Variants in AFF2 observed in about 807,000 individuals in gnomAD.
AFF2 encodes the protein AF4/FMR2 family member 2.
Under a neutral mutation model 76.9 loss-of-function variants are expected in AFF2, and 14 were observed. The observed-to-expected ratio is 0.18, with a 90% CI of 0.12 to 0.28. The LOEUF (loss-of-function observed/expected upper bound fraction) is 0.28, where lower values mean the gene tolerates loss of function less well. AFF2 is among the 10% of genes least tolerant of loss of function. The pLI is 1.00. For missense variants in AFF2, 868 were observed against 1,001.1 expected (o/e 0.87, Z 1.79); for synonymous variants, 398 against 366.7 (o/e 1.09, Z -0.98).
chrX:148,685,770 A>G (rs1004032619), intron 3 of AFF2, among the ~76,000 whole-genome samples: 3 of 111,130 alleles, frequency 2.7e-5, no homozygotes, highest in African/African-American at 9.9e-5. Flanking sequence ...CCGTATCAAA[A>G]TATCACTTAA....
At chrX:148,979,702 T>C (rs953058816) in intron 18 of AFF2, among the ~76,000 whole-genome samples, 3 of 112,360 alleles carry the variant, frequency 2.7e-5, no homozygotes, top group Admixed American at 1.9e-4. Context: ...TTACAGGGTA[T>C]TGTAAAATTC....
chrX:148,722,263 G>A (rs1182482029), intron 3 of AFF2, among the ~76,000 whole-genome samples: 1 of 111,499 alleles, frequency 9.0e-6, no homozygotes, highest in African/African-American at 3.3e-5. Context: ...ATTTTGTTCA[G>A]CAAGTAACAC....
intron 9 of AFF2, among the ~76,000 whole-genome samples, chrX:148,919,271 T>A (rs1406902260): frequency 9.0e-6 from 1 of 111,207 alleles, no homozygotes; most frequent in Non-Finnish European, 1.9e-5. Flanking sequence ...CTGTGCAATA[T>A]CACCGTAGCT....
chrX:148,825,965 G>A (rs1311358595), intron 4 of AFF2, among the ~76,000 whole-genome samples: 4 of 109,478 alleles, frequency 3.7e-5, no homozygotes, highest in African/African-American at 6.7e-5. Context: ...AGTGTGTTGC[G>A]GGTGGGGTAG....
chrX:148,537,019 G>T (rs1274489781), intron 1 of AFF2, among the ~76,000 whole-genome samples: 1 of 112,423 alleles, frequency 8.9e-6, no homozygotes, highest in Non-Finnish European at 1.9e-5. Flanking sequence ...TTTAATTAAA[G>T]AAAATTTTAA....
intron 1 of AFF2, among the ~76,000 whole-genome samples, chrX:148,586,104 C>T (rs1329914607): frequency 9.0e-6 from 1 of 110,934 alleles, no homozygotes; most frequent in Non-Finnish European, 1.9e-5. Context: ...TATTATTATC[C>T]TCAATTTACT....
chrX:148,936,210 AATG>A (rs2071774004), intron 9 of AFF2, among the ~76,000 whole-genome samples: 1 of 111,491 alleles, frequency 9.0e-6, no homozygotes, highest in Non-Finnish European at 1.9e-5. Flanking sequence ...TTTCTGTGAT[AATG>A]ATAAGGGAAA....
At position 148,577,483 on chromosome X, in the gene AFF2, T is replaced by G. The variant is rs1557243678; in HGVS notation, c.48-74516T>G. 2.7e-5 allele frequency among the ~76,000 whole-genome samples: 3 copies of G among 112,310 alleles called. 1 individual carries two copies. The highest frequency in any genetic ancestry group is 9.7e-5 in the African/African-American group (3 of 31,034). On this transcript the variant is annotated intron_variant, in intron 1 of 20. Coordinates refer to ENST00000370460, the MANE Select transcript of AFF2 (RefSeq NM_002025.4). Reference sequence around the variant, plus strand: ...TTATTCCACAAACAACTGCAGTGTCTAAGGCTCCCAAACCTCTGCTTTCCT... The same window carrying G: ...TTATTCCACAAACAACTGCAGTGTCGAAGGCTCCCAAACCTCTGCTTTCCT...
chrX:148,582,959 G>C (rs782345104), intron 1 of AFF2, among the ~76,000 whole-genome samples: 1 of 76,513 alleles, frequency 1.3e-5, no homozygotes, highest in South Asian at 9.8e-4. Flanking sequence ...ACCTCAACTT[G>C]GACAACCTTG....
At chrX:148,876,997 T>C (rs2071042506) in intron 7 of AFF2, among the ~76,000 whole-genome samples, 1 of 112,034 alleles carries the variant, frequency 8.9e-6, no homozygotes, top group Non-Finnish European at 1.9e-5. Context: ...CTCTAGCCTA[T>C]ACAACTGCTA....
At chrX:148,889,598 C>T (rs781983057) in intron 8 of AFF2, among the ~76,000 whole-genome samples, 1 of 111,971 alleles carries the variant, frequency 8.9e-6, no homozygotes, top group Non-Finnish European at 1.9e-5. Flanking sequence ...CTGAAAATAC[C>T]TGTTAAAACT....
chrX:148,628,141 G>A (rs1347794933), intron 1 of AFF2, among the ~76,000 whole-genome samples: 1 of 111,540 alleles, frequency 9.0e-6, no homozygotes, highest in Admixed American at 9.5e-5. Context: ...CAGGCAGGAA[G>A]GTGTCAGGAA....
chrX:148,955,672 T>C lies in AFF2; in HGVS notation c.1627T>C (p.Ser543Pro). 1 of 1,211,435 alleles carries C rather than the reference T, an allele frequency of 8.3e-7. No homozygotes were observed. Among genetic ancestry groups the C allele is most frequent in the Non-Finnish European group, 1.1e-6 (1 of 895,412 alleles). Reference sequence around the variant, plus strand: ...TAACAAAGTGACATCCCAGAACAAGTCTTTTATTTGTGGCCAAAATGAAAC... The same window carrying C: ...TAACAAAGTGACATCCCAGAACAAGCCTTTTATTTGTGGCCAAAATGAAAC... ...WLNKVTSQNK[S>P]FICGQNETPM... The change falls in exon 11 of 21, where the codon TCT becomes CCT. Residue 543 changes from serine (S) to proline (P), a missense_variant. This residue lies in a region of AFF2 where 532 missense variants were observed against 564.2 expected (regional missense o/e 0.94). Transcript: ENST00000370460.
intron 1 of AFF2, among the ~76,000 whole-genome samples, chrX:148,596,017 C>A (rs1421946344): frequency 9.0e-6 from 1 of 111,574 alleles, no homozygotes; most frequent in Non-Finnish European, 1.9e-5. Context: ...CTTTAAGAAG[C>A]TTTGATAGGT....
At chrX:148,536,911 A>G (rs1353449793) in intron 1 of AFF2, among the ~76,000 whole-genome samples, 1 of 112,433 alleles carries the variant, frequency 8.9e-6, no homozygotes. Context: ...ATCTGAATCT[A>G]TAGCTTGCAA....
At chrX:148,741,206 G>A (rs1184163560) in intron 3 of AFF2, among the ~76,000 whole-genome samples, 2 of 111,351 alleles carry the variant, frequency 1.8e-5, no homozygotes, top group East Asian at 5.7e-4. Context: ...GAACTCCCAA[G>A]ATTAAATGCC....
At chrX:148,748,156 A>G (rs1178227463) in intron 3 of AFF2, among the ~76,000 whole-genome samples, 2 of 112,265 alleles carry the variant, frequency 1.8e-5, no homozygotes, top group African/African-American at 6.5e-5. Context: ...ATAGCACATT[A>G]TATAAAATAC....
At chrX:148,715,317 T>A (rs1336400927) in intron 3 of AFF2, among the ~76,000 whole-genome samples, 1 of 111,742 alleles carries the variant, frequency 8.9e-6, no homozygotes, top group Non-Finnish European at 1.9e-5. Context: ...CTAGATTTAG[T>A]TTCTGGTTAG....
intron 3 of AFF2, among the ~76,000 whole-genome samples, chrX:148,674,391 A>ATTTGCTTCTTGTGCC (rs2054458976): frequency 9.0e-6 from 1 of 111,678 alleles, no homozygotes; most frequent in South Asian, 3.8e-4. Context: ...CAACAGGAAG[A>ATTTGCTTCTTGTGCC]TGGTTTTTAG....
Sources: gnomAD v4.1 joint callset for allele counts (sites outside exome capture counted in the v4.1 genomes callset) on GRCh38, gnomAD v4.1.1 for gene constraint, gnomAD v4.1.1 regional missense constraint, MANE v1.5 for transcripts, NCBI Gene and HGNC (gene_info 2026-07-23, HGNC 2026-07-21) for gene names.